Variants in DACH2 observed in about 807,000 individuals in gnomAD.
DACH2 encodes dachshund family transcription factor 2, also known as dachshund homolog 2.
In DACH2, 17 loss-of-function variants were observed where a neutral mutation model predicts 35.8. The ratio of observed to expected loss-of-function variants is 0.48; its 90% CI spans 0.33 to 0.71. DACH2 has a LOEUF of 0.71. DACH2 is among the 30% of genes least tolerant of loss of function. The pLI is 0.02. For missense variants in DACH2, 469 were observed against 472.7 expected (o/e 0.99, Z 0.07); for synonymous variants, 195 against 177.3 (o/e 1.10, Z -0.79).
chrX:86,524,765 G>A (rs1157227976), intron 3 of DACH2, among the ~76,000 whole-genome samples: 2 of 111,088 alleles, frequency 1.8e-5, no homozygotes, highest in East Asian at 5.7e-4. Context: ...GCATGGCTGG[G>A]TCATAAGGCA....
At chrX:86,555,157 T>A (rs2039100842) in intron 3 of DACH2, among the ~76,000 whole-genome samples, 1 of 111,931 alleles carries the variant, frequency 8.9e-6, no homozygotes, top group Non-Finnish European at 1.9e-5. Context: ...CCTCATGCTA[T>A]AGCATAATAT....
At chrX:86,162,433 T>G (rs2030796098) in intron 1 of DACH2, among the ~76,000 whole-genome samples, 1 of 111,332 alleles carries the variant, frequency 9.0e-6, no homozygotes, top group African/African-American at 3.3e-5. Context: ...GACCAGGAAC[T>G]AACTGATAGG....
At position 86,832,337 on chromosome X, in the gene DACH2, C is replaced by T. The variant is rs919105375; in HGVS notation, c.*182C>T. ...TACATTTTAAAAGCAATGATGTAAA[C>T]TTTGTTCTTGCATTAGACTGACCAG... On this transcript the variant is annotated 3_prime_UTR_variant, in exon 12 of 12. Transcript: ENST00000373125. The T allele has an allele frequency of 1.4e-5, 6 of 421,099 alleles. No homozygotes were observed. The highest frequency in any genetic ancestry group is 2.4e-5 in the Non-Finnish European group (6 of 248,876). The allele number at this position is 421,099 out of a possible 1,213,427, so 34.7% of individuals were successfully genotyped here.
intron 1 of DACH2, among the ~76,000 whole-genome samples, chrX:86,177,600 T>G (rs1208921829): frequency 9.0e-6 from 1 of 111,616 alleles, no homozygotes; most frequent in African/African-American, 3.3e-5. Context: ...GTGGGGCTTG[T>G]CCAGTCATTC....
At chrX:86,570,671 C>T (rs1045883519) in intron 3 of DACH2, among the ~76,000 whole-genome samples, 1 of 109,966 alleles carries the variant, frequency 9.1e-6, no homozygotes, top group South Asian at 3.9e-4. Flanking sequence ...GTTCAGCAAA[C>T]CACCATGGCA....
intron 3 of DACH2, among the ~76,000 whole-genome samples, chrX:86,521,167 T>G (rs1371324421): frequency 9.0e-6 from 1 of 111,731 alleles, no homozygotes; most frequent in Non-Finnish European, 1.9e-5. Context: ...GAAGCTACGT[T>G]TGGCTGGATA....
chrX:86,760,051 T>C (rs776273199), intron 7 of DACH2, among the ~76,000 whole-genome samples: 1 of 112,089 alleles, frequency 8.9e-6, no homozygotes, highest in African/African-American at 3.2e-5. Context: ...TAATCCTGCC[T>C]TGTAAGCTTT....
chrX:86,816,318 A>G (rs58164547), intron 11 of DACH2, among the ~76,000 whole-genome samples: 39,857 of 110,729 alleles, frequency 0.36, 5,406 homozygotes, highest in South Asian at 0.55. Context: ...CTCTGGTTAC[A>G]GAGGGACTAA....
At chrX:86,761,107 C>A (rs1193700960) in intron 7 of DACH2, among the ~76,000 whole-genome samples, 1 of 110,944 alleles carries the variant, frequency 9.0e-6, no homozygotes, top group African/African-American at 3.3e-5. Context: ...ATACATGTGC[C>A]ATGGTGGTTT....
chrX:86,588,541 G>A lies in DACH2; in HGVS notation c.641-62495G>A, dbSNP rs759233851. ...TTTCTGTCATCTCTGATTTCTTTCA[G>A]CAGTTTTTAAACATTTTCTCCTCAT... On this transcript the variant is annotated intron_variant, in intron 3 of 11. Coordinates refer to ENST00000373125, the MANE Select transcript of DACH2 (RefSeq NM_053281.3). 2.7e-5 allele frequency among the ~76,000 whole-genome samples: 3 copies of A among 111,677 alleles called. No individual in the cohort carries two copies. The East Asian group carries it at 8.5e-4, about 31-fold the overall frequency.
At chrX:86,477,694 C>T (rs2037869577) in intron 2 of DACH2, among the ~76,000 whole-genome samples, 1 of 110,433 alleles carries the variant, frequency 9.1e-6, no homozygotes, top group Non-Finnish European at 1.9e-5. Context: ...CTTACTCCTG[C>T]CATTTTATTA....
At chrX:86,672,753 G>A (rs1350668446) in intron 4 of DACH2, among the ~76,000 whole-genome samples, 1 of 111,544 alleles carries the variant, frequency 9.0e-6, no homozygotes, top group East Asian at 2.8e-4. Flanking sequence ...CCTCTACTGG[G>A]GCAGTGTGAG....
chrX:86,348,448 A>G (rs1208047617), intron 1 of DACH2, among the ~76,000 whole-genome samples: 1 of 111,790 alleles, frequency 8.9e-6, no homozygotes, highest in Non-Finnish European at 1.9e-5. Flanking sequence ...TGAACCATAA[A>G]TGTATAGTCA....
chrX:86,240,183 G>A (rs911675789), intron 1 of DACH2, among the ~76,000 whole-genome samples: 1 of 111,351 alleles, frequency 9.0e-6, no homozygotes, highest in Non-Finnish European at 1.9e-5. Context: ...GTGAGTCCTG[G>A]AACAGAAATC....
chrX:86,659,311 G>A (rs925780360), intron 4 of DACH2, among the ~76,000 whole-genome samples: 22 of 110,686 alleles, frequency 2.0e-4, no homozygotes, highest in African/African-American at 6.9e-4. Flanking sequence ...ACTCATTCCA[G>A]GAGTAAGCAA....
intron 4 of DACH2, among the ~76,000 whole-genome samples, chrX:86,675,913 T>C (rs758009708): frequency 1.1e-4 from 12 of 111,701 alleles, no homozygotes; most frequent in African/African-American, 3.9e-4. Context: ...TGCAATAAAG[T>C]CTTTTTGAAA....
At chrX:86,493,742 G>T (rs2038126916) in intron 2 of DACH2, among the ~76,000 whole-genome samples, 1 of 111,768 alleles carries the variant, frequency 8.9e-6, no homozygotes, top group African/African-American at 3.3e-5. Context: ...TAGATAATAG[G>T]TTCAGAACAT....
chrX:86,239,443 A>G (rs889722843), intron 1 of DACH2, among the ~76,000 whole-genome samples: 1 of 112,133 alleles, frequency 8.9e-6, no homozygotes, highest in Non-Finnish European at 1.9e-5. Context: ...TCTAAATAGA[A>G]TCACAGAATA....
chrX:86,175,556 A>G (rs2031273591), intron 1 of DACH2, among the ~76,000 whole-genome samples: 2 of 111,551 alleles, frequency 1.8e-5, no homozygotes, highest in Non-Finnish European at 3.8e-5. Flanking sequence ...TTTTTTTATC[A>G]TGGTGGAAGA....
Sources: allele counts gnomAD v4.1 joint callset (sites outside exome capture counted in the v4.1 genomes callset), GRCh38; gene constraint gnomAD v4.1.1; transcripts MANE v1.5; gene names NCBI Gene and HGNC (gene_info 2026-07-23, HGNC 2026-07-21).